GALNTL6: variants seen among roughly 807,000 people sequenced by gnomAD.
GALNTL6 encodes the protein polypeptide N-acetylgalactosaminyltransferase-like 6.
Under a neutral mutation model 73.7 loss-of-function variants are expected in GALNTL6, and 46 were observed. That is an observed-to-expected ratio of 0.62 (90% CI 0.49 to 0.80). The LOEUF is 0.80. GALNTL6 is among the 30% of genes least tolerant of loss of function. GALNTL6 has a pLI of 0.00. For synonymous variants in GALNTL6, 259 were observed against 263.7 expected (o/e 0.98, Z 0.17); for missense variants, 604 against 755.0 (o/e 0.80, Z 2.34).
At chr4:172,536,063 A>G (rs1035487043) in intron 5 of GALNTL6, among the ~76,000 whole-genome samples, 1 of 152,024 alleles carries the variant, frequency 6.6e-6, no homozygotes, top group Non-Finnish European at 1.5e-5. Context: ...TTTTATAAGG[A>G]GCTTTTCTCC....
intron 2 of GALNTL6, among the ~76,000 whole-genome samples, chr4:171,877,444 T>C (rs945997088): frequency 1.3e-5 from 2 of 152,134 alleles, no homozygotes; most frequent in African/African-American, 4.8e-5. Flanking sequence ...TCAGAGGGTG[T>C]CAAGCATGAA....
intron 3 of GALNTL6, among the ~76,000 whole-genome samples, chr4:172,261,386 T>A (rs1416376820): frequency 6.6e-6 from 1 of 151,668 alleles, no homozygotes; most frequent in Admixed American, 6.6e-5. Context: ...TTCTAGTTTG[T>A]GCATGTAAAG....
At chr4:172,313,424 C>T (rs1355864247) in intron 4 of GALNTL6, among the ~76,000 whole-genome samples, 1 of 152,106 alleles carries the variant, frequency 6.6e-6, no homozygotes, top group East Asian at 1.9e-4. Flanking sequence ...GCCCGGTCCC[C>T]ACCCCAACAC....
intron 5 of GALNTL6, among the ~76,000 whole-genome samples, chr4:172,477,808 CTCTT>C (rs1384084173): frequency 3.3e-5 from 5 of 152,070 alleles, no homozygotes; most frequent in Non-Finnish European, 7.4e-5. Context: ...ACACAATTGA[CTCTT>C]TAACGCTGTA....
chr4:172,134,797 G>A (rs891009413), intron 2 of GALNTL6, among the ~76,000 whole-genome samples: 1 of 152,146 alleles, frequency 6.6e-6, no homozygotes, highest in Non-Finnish European at 1.5e-5. Flanking sequence ...AGCAGAGATG[G>A]TCCTACCCAA....
intron 2 of GALNTL6, among the ~76,000 whole-genome samples, chr4:171,900,946 A>G (rs927213387): frequency 6.6e-6 from 1 of 152,210 alleles, no homozygotes; most frequent in Non-Finnish European, 1.5e-5. Context: ...ATTGAATTTA[A>G]TAATGATGAG....
chr4:172,681,453 A>G (rs896900984), intron 5 of GALNTL6, among the ~76,000 whole-genome samples: 6 of 152,222 alleles, frequency 3.9e-5, no homozygotes, highest in African/African-American at 1.4e-4. Flanking sequence ...TGAGATACAC[A>G]TATCAAAGAT....
intron 5 of GALNTL6, among the ~76,000 whole-genome samples, chr4:172,659,327 G>A (rs951265120): frequency 2.0e-5 from 3 of 152,144 alleles, no homozygotes; most frequent in Non-Finnish European, 4.4e-5. Context: ...AAATCAAGGT[G>A]ATTGGGATAT....
At chr4:172,456,025 C>T (rs1267366521) in intron 5 of GALNTL6, among the ~76,000 whole-genome samples, 1 of 152,184 alleles carries the variant, frequency 6.6e-6, no homozygotes, top group Non-Finnish European at 1.5e-5. Context: ...CTTTGCTGTT[C>T]TGCAGCCTCT....
At position 172,314,600 on chromosome 4, in the gene GALNTL6, C is replaced by CTTTTTTT. The variant is rs773057515; in HGVS notation, c.386+2867_386+2873dup. ...TATTTCAGAAATCCTAATGCGTAGG[C>CTTTTTTT]TTTTTTTTTTTTTTTTTTTTTTTTT... On this transcript the variant is annotated intron_variant, in intron 4 of 12. Coordinates refer to ENST00000506823, the MANE Select transcript of GALNTL6 (RefSeq NM_001034845.3). 7.5e-4 allele frequency among the ~76,000 whole-genome samples: 53 copies of CTTTTTTT among 70,710 alleles called. 3 individuals are homozygous for CTTTTTTT. The highest frequency in any genetic ancestry group is 1.1e-3 in the African/African-American group (18 of 16,376). The allele number at this position is 70,710 out of a possible 152,430, so 46.4% of individuals were successfully genotyped here.
chr4:172,978,496 A>G (rs1337422927), intron 10 of GALNTL6, among the ~76,000 whole-genome samples: 1 of 152,142 alleles, frequency 6.6e-6, no homozygotes, highest in Non-Finnish European at 1.5e-5. Context: ...CCACAGCCAC[A>G]ATATGGCAGA....
intron 5 of GALNTL6, among the ~76,000 whole-genome samples, chr4:172,526,860 G>T (rs1004037062): frequency 1.4e-5 from 2 of 140,190 alleles, no homozygotes; most frequent in Non-Finnish European, 3.0e-5. Context: ...TTATCCATGT[G>T]TACTGGTTAT....
intron 5 of GALNTL6, chr4:172,380,340 C>T: frequency 1.4e-6 from 1 of 714,942 alleles, no homozygotes; most frequent in Non-Finnish European, 2.6e-6. Context: ...TTAAAAGTCC[C>T]TCCCTCACAG....
intron 5 of GALNTL6, among the ~76,000 whole-genome samples, chr4:172,349,756 T>C (rs1453341836): frequency 2.0e-5 from 3 of 151,680 alleles, no homozygotes; most frequent in African/African-American, 7.3e-5. Flanking sequence ...TGGCGGAGAT[T>C]GCAGTGAGCT....
intron 4 of GALNTL6, among the ~76,000 whole-genome samples, chr4:172,329,141 G>A (rs956239809): frequency 2.6e-5 from 4 of 152,168 alleles, no homozygotes; most frequent in African/African-American, 9.7e-5. Context: ...GCTCTGTGTT[G>A]GTGGTCCATA....
At chr4:171,923,712 C>T (rs1337819969) in intron 2 of GALNTL6, among the ~76,000 whole-genome samples, 1 of 150,890 alleles carries the variant, frequency 6.6e-6, no homozygotes, top group Non-Finnish European at 1.5e-5. Context: ...TTTAAAAAGG[C>T]TTACTGGAAT....
At chr4:172,948,605 A>T (rs1016473392) in intron 9 of GALNTL6, among the ~76,000 whole-genome samples, 7 of 147,088 alleles carry the variant, frequency 4.8e-5, no homozygotes, top group Non-Finnish European at 8.9e-5. Flanking sequence ...GGCACCTGCC[A>T]CCAGCCTCGC....
rs11132933 is a variant in GALNTL6 at position 172,246,472 on chromosome 4, A to G, written c.247+16708A>G. On this transcript the variant is annotated intron_variant, in intron 3 of 12. Transcript: ENST00000506823. ...CAAACAAAGACATTATTGGATTGAT[A>G]TTTAATTTTAGTGATTGTTTTATAA... Among the ~76,000 whole-genome samples the G allele has an allele frequency of 3.5e-3, 528 of 152,268 alleles. 21 individuals are homozygous for G. In the East Asian group the frequency reaches 0.078, roughly 22 times the overall value.
chr4:172,702,103 C>G (rs1355290461), intron 5 of GALNTL6, among the ~76,000 whole-genome samples: 1 of 151,944 alleles, frequency 6.6e-6, no homozygotes, highest in Admixed American at 6.6e-5. Flanking sequence ...TCTCCTAATT[C>G]AAGTCTTCCT....
Sources: allele counts gnomAD v4.1 joint callset (sites outside exome capture counted in the v4.1 genomes callset), GRCh38; gene constraint gnomAD v4.1.1; transcripts MANE v1.5; gene names NCBI Gene and HGNC (gene_info 2026-07-23, HGNC 2026-07-21).